Variants in WWOX observed in about 807,000 individuals in gnomAD.
WWOX encodes the protein WW domain-containing oxidoreductase.
A neutral mutation model predicts 46.2 loss-of-function variants in WWOX; 69 were observed. The observed-to-expected ratio is 1.49, with a 90% CI of 1.23 to 1.82. The LOEUF (loss-of-function observed/expected upper bound fraction) is 1.82. Ranked by LOEUF, WWOX falls within the 40% of genes most tolerant of loss-of-function variation. WWOX has a pLI of 0.00. For missense variants in WWOX, 919 were observed against 542.6 expected, an observed-to-expected ratio of 1.69 and a Z score of -6.89; for synonymous variants, 359 against 202.6, an observed-to-expected ratio of 1.77 and a Z score of -6.56.
chr16:79,164,928 T>A (rs1329391998), intron 8 of WWOX, among the ~76,000 whole-genome samples: 1 of 152,058 alleles, frequency 6.6e-6, no homozygotes, highest in Non-Finnish European at 1.5e-5. Flanking sequence ...AAAGTGTGCA[T>A]AAAGATACCC....
intron 8 of WWOX, among the ~76,000 whole-genome samples, chr16:79,062,212 G>GT (rs1597338028): frequency 2.0e-5 from 3 of 152,180 alleles, no homozygotes; most frequent in Admixed American, 6.5e-5. Context: ...AGGAAGAAGC[G>GT]TAAGTGTATC....
intron 8 of WWOX, among the ~76,000 whole-genome samples, chr16:78,986,117 A>T (rs1451790992): frequency 6.6e-6 from 1 of 152,234 alleles, no homozygotes; most frequent in East Asian, 1.9e-4. Flanking sequence ...GGAGACATTT[A>T]TGGAGTCAGG....
At chr16:78,583,712 G>A (rs1413811504) in intron 8 of WWOX, among the ~76,000 whole-genome samples, 1 of 152,218 alleles carries the variant, frequency 6.6e-6, no homozygotes, top group Non-Finnish European at 1.5e-5. Context: ...CCCGTGCCCT[G>A]ATGTGGAGTT....
At chr16:78,834,401 G>A (rs2051917991) in intron 8 of WWOX, among the ~76,000 whole-genome samples, 1 of 152,274 alleles carries the variant, frequency 6.6e-6, no homozygotes, top group African/African-American at 2.4e-5. Flanking sequence ...GGCACAAATT[G>A]AATCTAGGTT....
intron 8 of WWOX, among the ~76,000 whole-genome samples, chr16:79,167,014 C>G (rs761725875): frequency 6.6e-6 from 1 of 152,104 alleles, no homozygotes; most frequent in Non-Finnish European, 1.5e-5. Context: ...GATCTCTACT[C>G]TCTGCAACCT....
At chr16:78,222,074 C>T (rs1395917414) in intron 5 of WWOX, among the ~76,000 whole-genome samples, 2 of 152,116 alleles carry the variant, frequency 1.3e-5, no homozygotes, top group East Asian at 1.9e-4. Context: ...CCTCAGATGC[C>T]CCTCCATTTG....
rs140410228 is a variant in WWOX, at chr16:78,522,845, G to A, written c.1056+90093G>A. Among the ~76,000 whole-genome samples, 334 of 152,336 alleles carry A rather than the reference G, an allele frequency of 2.2e-3. 3 individuals are homozygous for A. Among genetic ancestry groups the A allele is most frequent in the Non-Finnish European group, 3.7e-3 (254 of 68,028 alleles). ...ACGGCACTTTGGGAGGCCAAGGCAG[G>A]TGGATCACTCGAGGTCAGGAGTTTG... On this transcript the variant is annotated intron_variant, in intron 8 of 8. Coordinates refer to ENST00000566780, the MANE Select transcript of WWOX (RefSeq NM_016373.4).
chr16:79,112,827 G>T (rs992099585), intron 8 of WWOX, among the ~76,000 whole-genome samples: 1 of 152,178 alleles, frequency 6.6e-6, no homozygotes, highest in Non-Finnish European at 1.5e-5. Context: ...AGACAGCTCA[G>T]GAGACCGTCC....
At chr16:78,633,281 A>C (rs1181925655) in intron 8 of WWOX, among the ~76,000 whole-genome samples, 1 of 152,128 alleles carries the variant, frequency 6.6e-6, no homozygotes, top group Non-Finnish European at 1.5e-5. Flanking sequence ...CAAAACAAAA[A>C]AACAAGAAGT....
intron 8 of WWOX, among the ~76,000 whole-genome samples, chr16:78,873,930 C>T (rs1421671711): frequency 6.6e-6 from 1 of 151,934 alleles, no homozygotes; most frequent in African/African-American, 2.4e-5. Context: ...ATTCTAGTGG[C>T]CATTGAAAAT....
intron 8 of WWOX, among the ~76,000 whole-genome samples, chr16:78,738,397 G>C (rs2049138212): frequency 6.6e-6 from 1 of 152,166 alleles, no homozygotes; most frequent in South Asian, 2.1e-4. Context: ...GATTCTCCCT[G>C]TGTATGATGC....
In WWOX at chr16:79,212,544, T is replaced by C. The variant is rs1410262396; in HGVS notation, c.*748T>C. 1 of 170,846 alleles carries C rather than the reference T, an allele frequency of 5.9e-6. No individual in the cohort carries two copies. The highest frequency in any genetic ancestry group is 1.3e-5 in the Non-Finnish European group (1 of 78,044). The allele number at this position is 170,846 out of a possible 1,614,324, so 10.6% of individuals were successfully genotyped here. A position where few individuals can be genotyped will look rare whatever the true frequency, so the allele number is the denominator to read the frequency against. On this transcript the variant is annotated 3_prime_UTR_variant, in exon 9 of 9. Transcript: ENST00000566780. ...ACAGGATATTTTGGGGGGCAGAGAA[T>C]AAAACGTTAGTTAATCCCTTTGTCT... is the stretch of plus-strand genomic sequence containing the variant.
intron 8 of WWOX, among the ~76,000 whole-genome samples, chr16:79,138,926 G>A (rs911393212): frequency 3.3e-5 from 5 of 152,146 alleles, no homozygotes; most frequent in African/African-American, 1.2e-4. Flanking sequence ...AATTCGACCA[G>A]GGTAAGGCTT....
At chr16:79,199,127 A>T (rs564181375) in intron 8 of WWOX, among the ~76,000 whole-genome samples, 2 of 152,234 alleles carry the variant, frequency 1.3e-5, no homozygotes, top group East Asian at 3.9e-4. Flanking sequence ...CAGTGGTGCA[A>T]TCTTGGCTCA....
Position 79,137,697 on chromosome 16 carries a change from C to A in WWOX, c.1057-73911C>A, listed in dbSNP as rs77052279. On this transcript the variant is annotated intron_variant, in intron 8 of 8. Coordinates refer to ENST00000566780, the MANE Select transcript of WWOX (RefSeq NM_016373.4). ...TTTCTCCTCCCTCCTCCGTCTCCTT[C>A]CCCCGACCCTCCTCCATCCCCTTCC... Among the ~76,000 whole-genome samples, 1,177 of 152,136 alleles carry A rather than the reference C, an allele frequency of 7.7e-3. 9 individuals carry two copies. Among genetic ancestry groups the A allele is most frequent in the East Asian group, 0.047 (239 of 5,132 alleles).
At chr16:78,186,441 A>G (rs1334855803) in intron 5 of WWOX, among the ~76,000 whole-genome samples, 1 of 152,178 alleles carries the variant, frequency 6.6e-6, no homozygotes, top group African/African-American at 2.4e-5. Context: ...ACTTGTTGGA[A>G]TTTTATTCTT....
chr16:78,337,136 C>A (rs1445735456), intron 5 of WWOX, among the ~76,000 whole-genome samples: 1 of 152,076 alleles, frequency 6.6e-6, no homozygotes, highest in Non-Finnish European at 1.5e-5. Flanking sequence ...AAACACTCTG[C>A]AGTTCAAAGA....
chr16:78,668,694 G>A (rs553395355), intron 8 of WWOX, among the ~76,000 whole-genome samples: 1 of 152,274 alleles, frequency 6.6e-6, no homozygotes, highest in South Asian at 2.1e-4. Context: ...GCATCAGATG[G>A]GCTTTGGAAT....
chr16:78,901,442 A>C (rs1011289889), intron 8 of WWOX, among the ~76,000 whole-genome samples: 8 of 151,104 alleles, frequency 5.3e-5, no homozygotes, highest in African/African-American at 2.0e-4. Flanking sequence ...CTTCTGTTTC[A>C]TTTTCTGTTT....
Sources: allele counts gnomAD v4.1 joint callset (sites outside exome capture counted in the v4.1 genomes callset), GRCh38; gene constraint gnomAD v4.1.1; transcripts MANE v1.5; gene names NCBI Gene and HGNC (gene_info 2026-07-23, HGNC 2026-07-21).